SORCS3: variants seen among roughly 807,000 people sequenced by gnomAD.
SORCS3 encodes VPS10 domain-containing receptor SorCS3.
A neutral mutation model predicts 146.3 loss-of-function variants in SORCS3; 57 were observed. The ratio of observed to expected loss-of-function variants is 0.39; its 90% CI spans 0.31 to 0.49. SORCS3 has a LOEUF of 0.49. Ranked by LOEUF, SORCS3 falls within the 20% of genes least tolerant of loss-of-function variation. SORCS3 has a pLI of 0.92. For missense variants in SORCS3, 1,341 were observed against 1,575.5 expected, an observed-to-expected ratio of 0.85 and a Z score of 2.52; for synonymous variants, 653 against 618.5, an observed-to-expected ratio of 1.06 and a Z score of -0.83.
intron 5 of SORCS3, among the ~76,000 whole-genome samples, chr10:105,079,918 C>T (rs2055612155): frequency 6.6e-6 from 1 of 152,156 alleles, no homozygotes; most frequent in Non-Finnish European, 1.5e-5. Flanking sequence ...CATGGTGTAC[C>T]ATGGTGTATA....
chr10:104,939,952 A>G (rs2133617166), intron 3 of SORCS3, among the ~76,000 whole-genome samples: 1 of 151,958 alleles, frequency 6.6e-6, no homozygotes, highest in Middle Eastern at 3.4e-3. Flanking sequence ...TCCAGACACC[A>G]AGGGAGGGTT....
At chr10:104,925,403 T>C (rs1369734097) in intron 3 of SORCS3, among the ~76,000 whole-genome samples, 1 of 152,146 alleles carries the variant, frequency 6.6e-6, no homozygotes, top group African/African-American at 2.4e-5. Flanking sequence ...AAACATGATA[T>C]AAGGAATATG....
intron 16 of SORCS3, among the ~76,000 whole-genome samples, chr10:105,205,015 A>C (rs2056594337): frequency 2.0e-5 from 3 of 152,194 alleles, no homozygotes; most frequent in Admixed American, 1.3e-4. Context: ...ATTATTAGCT[A>C]AGGCATCTGA....
intron 1 of SORCS3, among the ~76,000 whole-genome samples, chr10:104,792,412 T>C (rs1043001377): frequency 6.6e-6 from 1 of 152,206 alleles, no homozygotes; most frequent in African/African-American, 2.4e-5. Context: ...AACCACATTG[T>C]TGGTCCCTCT....
intron 2 of SORCS3, among the ~76,000 whole-genome samples, chr10:104,864,261 G>T (rs1039103893): frequency 1.3e-5 from 2 of 152,082 alleles, no homozygotes; most frequent in East Asian, 1.9e-4. Context: ...TTTTTAAAAA[G>T]ATTTTTCTCT....
At chr10:105,130,270 T>A (rs1352360066) in intron 7 of SORCS3, among the ~76,000 whole-genome samples, 1 of 152,118 alleles carries the variant, frequency 6.6e-6, no homozygotes, top group East Asian at 1.9e-4. Context: ...TCCCAAATAA[T>A]GTGCTCTGTT....
At chr10:105,217,944 C>A (rs2056675403) in intron 19 of SORCS3, 1 of 452,350 alleles carries the variant, frequency 2.2e-6, no homozygotes, top group Non-Finnish European at 4.4e-6. Flanking sequence ...TTCTTACTTA[C>A]ATACCCCACA....
At chr10:104,885,780 G>A (rs577667175) in intron 2 of SORCS3, among the ~76,000 whole-genome samples, 6 of 152,178 alleles carry the variant, frequency 3.9e-5, no homozygotes, top group African/African-American at 7.2e-5. Flanking sequence ...TCAGCACTAC[G>A]AAGGATTTTG....
intron 1 of SORCS3, among the ~76,000 whole-genome samples, chr10:104,688,356 G>A (rs535553434): frequency 1.3e-5 from 2 of 152,178 alleles, no homozygotes; most frequent in Non-Finnish European, 2.9e-5. Flanking sequence ...CTGCGTGTGT[G>A]GGGGGGCAGT....
intron 1 of SORCS3, among the ~76,000 whole-genome samples, chr10:104,765,491 T>C (rs546550095): frequency 1.3e-5 from 2 of 152,316 alleles, no homozygotes; most frequent in Admixed American, 1.3e-4. Context: ...GATTAAGTGA[T>C]GTATAACGTA....
chr10:105,107,428 G>C (rs1002279738), intron 7 of SORCS3, among the ~76,000 whole-genome samples: 4 of 151,446 alleles, frequency 2.6e-5, no homozygotes, highest in Non-Finnish European at 5.9e-5. Context: ...ACATGACTTA[G>C]AATGTAAAAT....
chr10:105,133,486 T>A (rs951974267), intron 7 of SORCS3, among the ~76,000 whole-genome samples: 2 of 152,190 alleles, frequency 1.3e-5, no homozygotes, highest in Non-Finnish European at 2.9e-5. Flanking sequence ...CAGGTTTATA[T>A]TCTGGCTGTA....
chr10:104,647,563 A>G (rs2015509748), intron 1 of SORCS3, among the ~76,000 whole-genome samples: 2 of 152,154 alleles, frequency 1.3e-5, no homozygotes. Flanking sequence ...CCCTCCAATC[A>G]CCATCAAGTG....
chr10:104,746,217 A>G (rs1241868730), intron 1 of SORCS3, among the ~76,000 whole-genome samples: 2 of 150,996 alleles, frequency 1.3e-5, no homozygotes, highest in African/African-American at 2.4e-5. Flanking sequence ...GCTCACTGCA[A>G]GCTCCGCCTC....
intron 5 of SORCS3, among the ~76,000 whole-genome samples, chr10:105,049,969 A>G (rs893554356): frequency 5.9e-5 from 9 of 152,052 alleles, no homozygotes; most frequent in African/African-American, 1.7e-4. Context: ...GTAAAAGTTG[A>G]CATTAAAAAT....
At chr10:105,255,907 T>A in intron 24 of SORCS3, 106 bp downstream of exon 24, 1 of 875,082 alleles carries the variant, frequency 1.1e-6, no homozygotes, top group African/African-American at 1.7e-5. Flanking sequence ...TGAAAGTGGC[T>A]TTGTAGAAGG....
intron 3 of SORCS3, among the ~76,000 whole-genome samples, chr10:104,934,692 C>G (rs1007518415): frequency 6.6e-6 from 1 of 152,158 alleles, no homozygotes; most frequent in South Asian, 2.1e-4. Context: ...AGAGGTAGAC[C>G]AGCCTGCCTC....
intron 3 of SORCS3, among the ~76,000 whole-genome samples, chr10:104,960,791 T>G (rs2133634750): frequency 6.6e-6 from 1 of 152,228 alleles, no homozygotes; most frequent in South Asian, 2.1e-4. Flanking sequence ...AGGCTTCCTA[T>G]AGGAAGAATT....
intron 1 of SORCS3, among the ~76,000 whole-genome samples, chr10:104,703,355 A>G (rs1367222979): frequency 6.6e-6 from 1 of 152,152 alleles, no homozygotes; most frequent in East Asian, 1.9e-4. Flanking sequence ...AAGCATTCCT[A>G]TTTCTGCACA....
Sources: allele counts gnomAD v4.1 joint callset (sites outside exome capture counted in the v4.1 genomes callset), GRCh38; gene constraint gnomAD v4.1.1; transcripts MANE v1.5; gene names NCBI Gene and HGNC (gene_info 2026-07-23, HGNC 2026-07-21).